Variants in MSANTD5 observed in about 807,000 individuals in gnomAD.
The protein encoded by MSANTD5 is Myb/SANT DNA binding domain containing 5, also known as uncharacterized protein MSANTD5.
chr5:178,692,965 G>T (rs746128223), downstream of MSANTD5, among the ~76,000 whole-genome samples: 3 of 151,894 alleles, frequency 2.0e-5, no homozygotes, highest in Admixed American at 6.6e-5. Flanking sequence ...TGTACTACTT[G>T]TTACAACAGC....
chr5:178,700,866 C>A (rs1009339195), upstream of MSANTD5, among the ~76,000 whole-genome samples: 1 of 152,202 alleles, frequency 6.6e-6, no homozygotes, highest in African/African-American at 2.4e-5. Flanking sequence ...GGAAAGACTT[C>A]TTGAGCTTTG....
chr5:178,701,839 G>C (rs1044292930), upstream of MSANTD5, among the ~76,000 whole-genome samples: 1 of 150,022 alleles, frequency 6.7e-6, no homozygotes, highest in South Asian at 2.1e-4. Context: ...TCTGCCTCCC[G>C]GGTTCAACCT....
At chr5:178,698,606 G>T (rs975702398), upstream of MSANTD5, among the ~76,000 whole-genome samples, 1 of 152,094 alleles carries the variant, frequency 6.6e-6, no homozygotes, top group African/African-American at 2.4e-5. Context: ...TAGAGGTAGG[G>T]TCTTGCTCTG....
upstream of MSANTD5, among the ~76,000 whole-genome samples, chr5:178,700,451 A>C (rs1765464936): frequency 6.6e-6 from 1 of 152,174 alleles, no homozygotes; most frequent in Non-Finnish European, 1.5e-5. Flanking sequence ...TTCTAACGCT[A>C]GTCTGGCATG....
the MSANTD5 span, among the ~76,000 whole-genome samples, chr5:178,702,886 T>C: frequency 6.3e-4 from 96 of 152,302 alleles, no homozygotes; most frequent in Admixed American, 1.1e-3. Context: ...TGTGAGCCAC[T>C]GTGCCTGGCC....
upstream of MSANTD5, chr5:178,697,819 C>T (rs980422289): frequency 2.0e-5 from 3 of 152,174 alleles, no homozygotes; most frequent in Non-Finnish European, 4.4e-5. Context: ...GTCAGACCCA[C>T]CCAACCTGGA....
chr5:178,692,273 G>A (rs999603699), downstream of MSANTD5, among the ~76,000 whole-genome samples: 114 of 150,066 alleles, frequency 7.6e-4, 1 homozygote, highest in African/African-American at 2.7e-3. Context: ...CCAGCTATTG[G>A]GGAGGCTGAG....
chr5:178,703,693 A>T, the MSANTD5 span, among the ~76,000 whole-genome samples: 1 of 151,910 alleles, frequency 6.6e-6, no homozygotes, highest in Non-Finnish European at 1.5e-5. Flanking sequence ...AAGAAAAGAC[A>T]AATATTTGGC....
upstream of MSANTD5, among the ~76,000 whole-genome samples, chr5:178,699,170 G>A (rs866851699): frequency 3.3e-5 from 5 of 151,980 alleles, no homozygotes; most frequent in South Asian, 1.0e-3. Flanking sequence ...TTCTTCCCCA[G>A]GCTCGAGCCC....
At chr5:178,697,653 C>T (rs1325132187) in exon 1 of MSANTD5, 3 of 152,122 alleles carry the variant, frequency 2.0e-5, no homozygotes, top group Admixed American at 6.5e-5. Context: ...TGGTCAGTTC[C>T]TGAGTTGGCG....
chr5:178,693,506 T>G (rs1318693254), downstream of MSANTD5, among the ~76,000 whole-genome samples: 1 of 151,982 alleles, frequency 6.6e-6, no homozygotes, highest in Non-Finnish European at 1.5e-5. Context: ...ACTTCAACAA[T>G]GAAGCCACGT....
At chr5:178,702,872 C>A in the MSANTD5 span, among the ~76,000 whole-genome samples, 4 of 152,206 alleles carry the variant, frequency 2.6e-5, no homozygotes, top group Non-Finnish European at 4.4e-5. Context: ...GCTGGGATTA[C>A]AGATGTGAGC....
the MSANTD5 span, among the ~76,000 whole-genome samples, chr5:178,704,602 T>C: frequency 4.6e-5 from 7 of 152,314 alleles, no homozygotes; most frequent in East Asian, 1.4e-3. Context: ...CAAATGGGTA[T>C]GTAGTGATAT....
chr5:178,706,165 T>C, the MSANTD5 span, among the ~76,000 whole-genome samples: 1 of 152,092 alleles, frequency 6.6e-6, no homozygotes, highest in South Asian at 2.1e-4. Flanking sequence ...TTAAATGTGG[T>C]GTGGTTGATT....
upstream of MSANTD5, among the ~76,000 whole-genome samples, chr5:178,700,575 AG>A (rs1765466439): frequency 1.1e-5 from 1 of 87,234 alleles, no homozygotes; most frequent in African/African-American, 3.6e-5. Context: ...AGATTAGATT[AG>A]ATTAGAACTG....
downstream of MSANTD5, among the ~76,000 whole-genome samples, chr5:178,694,303 G>A (rs1269384445): frequency 4.8e-5 from 6 of 123,870 alleles, no homozygotes; most frequent in Non-Finnish European, 8.0e-5. Flanking sequence ...GCAACCAAGT[G>A]AGACTCCATC....
At chr5:178,698,641 G>A (rs6872989), upstream of MSANTD5, among the ~76,000 whole-genome samples, 99,696 of 151,780 alleles carry the variant, frequency 0.66, 34,561 homozygotes, top group East Asian at 0.76. Flanking sequence ...GTGCAGTGGC[G>A]TGATCATGGC....
chr5:178,700,556 G>A (rs1765466194), upstream of MSANTD5, among the ~76,000 whole-genome samples: 2 of 152,134 alleles, frequency 1.3e-5, no homozygotes. Flanking sequence ...TGGGCCCCTG[G>A]GAGGTGGGAG....
At chr5:178,705,286 T>G in the MSANTD5 span, among the ~76,000 whole-genome samples, 2 of 151,984 alleles carry the variant, frequency 1.3e-5, no homozygotes, top group African/African-American at 2.4e-5. Context: ...GACCTCGTGA[T>G]CTGCCCGCCT....
Sources: gnomAD v4.1 joint callset for allele counts (sites outside exome capture counted in the v4.1 genomes callset) on GRCh38, gnomAD v4.1.1 for gene constraint, MANE v1.5 for transcripts, NCBI Gene and HGNC (gene_info 2026-07-23, HGNC 2026-07-21) for gene names.